The following GOPC variants were observed in gnomAD, a reference collection of about 807,000 sequenced individuals.
GOPC encodes the protein Golgi-associated PDZ and coiled-coil motif-containing protein.
Under a neutral mutation model 51.2 loss-of-function variants are expected in GOPC, and 32 were observed. The observed-to-expected ratio is 0.63, with a 90% CI of 0.47 to 0.84. The LOEUF (loss-of-function observed/expected upper bound fraction) is 0.84. Ranked by LOEUF, GOPC falls within the 40% of genes least tolerant of loss-of-function variation. The pLI, the probability that GOPC is intolerant of heterozygous loss-of-function variation, is 0.00. For synonymous variants in GOPC, 190 were observed against 205.1 expected (o/e 0.93, Z 0.63); for missense variants, 441 against 555.5 (o/e 0.79, Z 2.07).
Position 117,560,898 on chromosome 6 carries a change from A to AGTT in GOPC, c.*2353_*2355dup. 1 of 213,294 alleles carries AGTT rather than the reference A, an allele frequency of 4.7e-6. No homozygotes were observed. The highest frequency in any genetic ancestry group is 7.0e-5 in the East Asian group (1 of 14,364). The allele number at this position is 213,294 out of a possible 1,614,324, so 13.2% of individuals were successfully genotyped here. ...CTTACTTGTTTGGTTTTGTCCTAGA[A>AGTT]GTTTCAGGGACATATGAATTTCTTT... On this transcript the variant is annotated 3_prime_UTR_variant, in exon 9 of 9. Coordinates refer to ENST00000368498, the MANE Select transcript of GOPC (RefSeq NM_020399.4).
At position 117,602,224 on chromosome 6, in the gene GOPC, A is replaced by G; in HGVS notation, c.65T>C (p.Val22Ala). The G allele has an allele frequency of 1.9e-6, 3 of 1,605,954 alleles. No homozygotes were observed. Among genetic ancestry groups the G allele is most frequent in the Non-Finnish European group, 2.5e-6 (3 of 1,179,910 alleles). The change falls in exon 1 of 9, where the codon GTG becomes GCG. Residue 22 changes from valine (V) to alanine (A), a missense_variant. Around this residue, in one of 3 missense-constraint regions of GOPC, gnomAD observed 204 missense variants for 219.8 expected, o/e 0.93. Coordinates refer to ENST00000368498, the MANE Select transcript of GOPC (RefSeq NM_020399.4). The stretch of plus-strand genomic sequence containing the variant: ...CATGGATACCCCGCCAGGGGCCCCC[A>G]CGGAGCAGGAGGCGCCCCCTGGGCC... ...GGGPGGASCS[V>A]GAPGGVSMFR...
chr6:117,582,273 T>TAAAC (rs1554194934), intron 1 of GOPC, among the ~76,000 whole-genome samples: 3 of 119,216 alleles, frequency 2.5e-5, no homozygotes, highest in African/African-American at 6.7e-5. Context: ...CCTCCCCCCC[T>TAAAC]ACACACACAC....
At chr6:117,575,451 G>A (rs1008706055) in intron 3 of GOPC, 99 bp from the exon 4 acceptor site, 4 of 877,400 alleles carry the variant, frequency 4.6e-6, no homozygotes, top group African/African-American at 1.6e-5. Flanking sequence ...GTTCAACAAT[G>A]TATCATCTCT....
chr6:117,591,001 C>A (rs924154632), intron 1 of GOPC, among the ~76,000 whole-genome samples: 6 of 152,078 alleles, frequency 3.9e-5, no homozygotes, highest in Non-Finnish European at 8.8e-5. Flanking sequence ...TACAGGCATG[C>A]GCCACCACAC....
chr6:117,560,880 G>A lies in GOPC; in HGVS notation c.*2374C>T, dbSNP rs544685252. The A allele has an allele frequency of 4.7e-6, 1 of 213,756 alleles. No homozygotes were observed. The highest frequency in any genetic ancestry group is 2.3e-5 in the African/African-American group (1 of 44,312). 13.2% of individuals were successfully genotyped at this position (213,756 alleles called of 1,614,324 possible). On this transcript the variant is annotated 3_prime_UTR_variant, in exon 9 of 9. Transcript: ENST00000368498. ...CTTTGCAACAGTTCCCTCCTTACTT[G>A]TTTGGTTTTGTCCTAGAAGTTTCAG...
chr6:117,563,412 A>C, intron 8 of GOPC, 28 bp from the exon 9 acceptor site: 1 of 1,610,292 alleles, frequency 6.2e-7, no homozygotes, highest in Non-Finnish European at 8.5e-7. Context: ...AAAAAAGCAG[A>C]CACTTTCTGG....
At chr6:117,584,930 C>T (rs1056524653) in intron 1 of GOPC, among the ~76,000 whole-genome samples, 9 of 152,008 alleles carry the variant, frequency 5.9e-5, no homozygotes, top group South Asian at 2.1e-4. Context: ...CTCCTGCCTT[C>T]GCCTTCCACT....
chr6:117,578,340 G>A lies in GOPC; in HGVS notation c.450+560C>T, dbSNP rs566688336. ...CTTTAAAGAAGGCTAACATCATGGAGAAGCATCTTTTTGCCCTTTCCTTAG... is the reference window on the plus strand; with the variant it reads ...CTTTAAAGAAGGCTAACATCATGGAAAAGCATCTTTTTGCCCTTTCCTTAG... On this transcript the variant is annotated intron_variant, in intron 2 of 8. Transcript: ENST00000368498. Among the ~76,000 whole-genome samples the A allele has an allele frequency of 4.6e-5, 7 of 152,246 alleles. No homozygotes were observed. In the South Asian group the frequency reaches 1.4e-3, roughly 32 times the overall value.
At chr6:117,597,899 A>T (rs76039710) in intron 1 of GOPC, among the ~76,000 whole-genome samples, 3 of 145,424 alleles carry the variant, frequency 2.1e-5, no homozygotes, top group Non-Finnish European at 3.0e-5. Flanking sequence ...TGAAAAGATT[A>T]AAAAAAAAAA....
intron 5 of GOPC, among the ~76,000 whole-genome samples, chr6:117,572,098 C>T (rs550445712): frequency 1.3e-3 from 202 of 152,186 alleles, no homozygotes; most frequent in Non-Finnish European, 2.4e-3. Context: ...TTCTGAAATC[C>T]AGAGTCATAT....
rs10484300 is a variant in GOPC, at chr6:117,575,565, A to C, written c.475-213T>G. 0.043 allele frequency: 31,849 copies of C among 734,636 alleles called. 824 individuals carry two copies. The highest frequency in any genetic ancestry group is 0.052 in the Non-Finnish European group (20,818 of 400,996). The allele number at this position is 734,636 out of a possible 1,614,324, so 45.5% of individuals were successfully genotyped here. On this transcript the variant is annotated intron_variant, in intron 3 of 8. Coordinates refer to ENST00000368498, the MANE Select transcript of GOPC (RefSeq NM_020399.4). Reference sequence around the variant, plus strand: ...TAATTGCACGCCATGGGTTACCCTGATATGGAGTATAGTAAGAAAAGTAGT... The same window carrying C: ...TAATTGCACGCCATGGGTTACCCTGCTATGGAGTATAGTAAGAAAAGTAGT...
At position 117,568,553 on chromosome 6, in the gene GOPC, T is replaced by C. The variant is rs1779744257; in HGVS notation, c.1077+1019A>G. On this transcript the variant is annotated intron_variant, in intron 7 of 8. Coordinates refer to ENST00000368498, the MANE Select transcript of GOPC (RefSeq NM_020399.4). ...CAAGATGGATTGATAAAACACTAACTTAAGAGAATAGCGTAGCATTCTTAG... is the reference window on the plus strand; with the variant it reads ...CAAGATGGATTGATAAAACACTAACCTAAGAGAATAGCGTAGCATTCTTAG... Among the ~76,000 whole-genome samples, 6 of 152,334 alleles carry C rather than the reference T, an allele frequency of 3.9e-5. No individual in the cohort carries two copies. The South Asian group carries it at 1.2e-3, about 32-fold the overall frequency.
At chr6:117,599,084 G>A (rs1353466079) in intron 1 of GOPC, among the ~76,000 whole-genome samples, 3 of 151,930 alleles carry the variant, frequency 2.0e-5, no homozygotes, top group Non-Finnish European at 4.4e-5. Context: ...AGTAACCTAT[G>A]ATTTTTTTGC....
chr6:117,563,441 G>A, intron 8 of GOPC, 57 bp from the exon 9 acceptor site: 2 of 1,547,064 alleles, frequency 1.3e-6, no homozygotes, highest in Admixed American at 1.7e-5. Flanking sequence ...GTTGGTTTTG[G>A]TCAGGTGCAG....
intron 1 of GOPC, among the ~76,000 whole-genome samples, chr6:117,589,691 G>A (rs1403765647): frequency 1.3e-5 from 2 of 152,166 alleles, no homozygotes; most frequent in African/African-American, 2.4e-5. Context: ...GTTGGGGGAT[G>A]TGAAATGGAA....
chr6:117,597,740 CA>C (rs1780221473), intron 1 of GOPC, among the ~76,000 whole-genome samples: 1 of 152,014 alleles, frequency 6.6e-6, no homozygotes, highest in African/African-American at 2.4e-5. Flanking sequence ...TCTATGTTCT[CA>C]AAAAACTAAA....
chr6:117,586,950 T>C (rs2114621590), intron 1 of GOPC, among the ~76,000 whole-genome samples: 1 of 152,326 alleles, frequency 6.6e-6, no homozygotes, highest in African/African-American at 2.4e-5. Flanking sequence ...AATCTCCCTC[T>C]ATTTTTTCTT....
chr6:117,584,280 G>A (rs1779999703), intron 1 of GOPC, among the ~76,000 whole-genome samples: 3 of 152,154 alleles, frequency 2.0e-5, no homozygotes, highest in Non-Finnish European at 4.4e-5. Context: ...ATTCAATTTT[G>A]ACACTATCTA....
At chr6:117,582,273 T>TACACACACACACACACACAC (rs71012364) in intron 1 of GOPC, among the ~76,000 whole-genome samples, 1 of 119,126 alleles carries the variant, frequency 8.4e-6, no homozygotes, top group Non-Finnish European at 1.7e-5. Context: ...CCTCCCCCCC[T>TACACACACACACACACACAC]ACACACACAC....
Sources: gnomAD v4.1 joint callset for allele counts (sites outside exome capture counted in the v4.1 genomes callset) on GRCh38, gnomAD v4.1.1 for gene constraint, gnomAD v4.1.1 regional missense constraint, MANE v1.5 for transcripts, NCBI Gene and HGNC (gene_info 2026-07-23, HGNC 2026-07-21) for gene names.